The following SLC25A25 variants were observed in gnomAD, a reference collection of about 807,000 sequenced individuals.
The protein encoded by SLC25A25 is mitochondrial adenyl nucleotide antiporter SLC25A25.
SLC25A25 carries 32 observed loss-of-function variants against 57.7 expected under a neutral mutation model. The ratio of observed to expected loss-of-function variants is 0.55; its 90% CI spans 0.42 to 0.74. The LOEUF (loss-of-function observed/expected upper bound fraction) is 0.74, where lower values mean the gene tolerates loss of function less well. Ranked by LOEUF, SLC25A25 falls within the 30% of genes least tolerant of loss-of-function variation. The probability of loss-of-function intolerance (pLI) is 0.00; values close to 1 mark genes in which losing one functional copy is unlikely to be tolerated. For synonymous variants in SLC25A25, 306 were observed against 291.2 expected, an observed-to-expected ratio of 1.05 and a Z score of -0.52; for missense variants, 556 against 701.3, an observed-to-expected ratio of 0.79 and a Z score of 2.34.
intron 1 of SLC25A25, chr9:128,091,389 G>A (rs1588766624): frequency 1.3e-5 from 13 of 969,318 alleles, no homozygotes; most frequent in Non-Finnish European, 1.5e-5. Context: ...TGGTAGTGTC[G>A]GCAGAGGTGA....
Position 128,099,015 on chromosome 9 carries a change from A to G in SLC25A25, c.262-2081A>G, listed in dbSNP as rs1177483825. On this transcript the variant is annotated intron_variant, in intron 1 of 10. Coordinates refer to ENST00000373069, the MANE Select transcript of SLC25A25 (RefSeq NM_001330988.2). This position sits in a 1 kb window ranked among gnomAD's most constrained non-coding sequence, Gnocchi z 6.8. The stretch of plus-strand genomic sequence containing the variant: ...TGAGGGGGGTGTTCCTGAGAAGTAC[A>G]GAGCCAGAAAGGGACCTGGGGGGCA... 2 of 985,330 alleles carry G rather than the reference A, an allele frequency of 2.0e-6. No homozygotes were observed. The highest frequency in any genetic ancestry group is 2.4e-6 in the Non-Finnish European group (2 of 829,942). 61.0% of individuals were successfully genotyped at this position (985,330 alleles called of 1,614,324 possible). A position where few individuals can be genotyped will look rare whatever the true frequency, so the allele number is the denominator to read the frequency against.
intron 1 of SLC25A25, among the ~76,000 whole-genome samples, chr9:128,093,478 TC>T (rs903059378): frequency 1.3e-5 from 2 of 152,160 alleles, no homozygotes; most frequent in African/African-American, 2.4e-5. Flanking sequence ...TTGCCAGCTC[TC>T]CCCCCAGGGA....
At chr9:128,087,311 C>CA (rs1833300037) in intron 1 of SLC25A25, among the ~76,000 whole-genome samples, 1 of 152,034 alleles carries the variant, frequency 6.6e-6, no homozygotes, top group Non-Finnish European at 1.5e-5. Flanking sequence ...GTCTGGAGTG[C>CA]GGTGCAGTGA....
At chr9:128,105,460 C>T (rs145334243) in intron 6 of SLC25A25, among the ~76,000 whole-genome samples, 4,918 of 150,598 alleles carry the variant, frequency 0.033, 269 homozygotes, top group African/African-American at 0.11. Flanking sequence ...CATGAGCCAC[C>T]GCGCCCAGCC....
chr9:128,107,014 C>T lies in SLC25A25; in HGVS notation c.1213-15C>T, dbSNP rs773271150. ...CCCTTCCTAGGGCTTATCCCATGCT[C>T]CCTTCTCCTTCTAGACGCTCAAGAA... On this transcript the variant is annotated splice_polypyrimidine_tract_variant and intron_variant, in intron 9 of 10. Coordinates refer to ENST00000373069, the MANE Select transcript of SLC25A25 (RefSeq NM_001330988.2). 1.2e-6 allele frequency: 2 copies of T among 1,612,026 alleles called. No individual in the cohort carries two copies. Among genetic ancestry groups the T allele is most frequent in the Admixed American group, 1.7e-5 (1 of 59,936 alleles).
chr9:128,101,495 T>C lies in SLC25A25; in HGVS notation c.476+99T>C. The C allele has an allele frequency of 7.2e-7, 1 of 1,393,812 alleles. No individual in the cohort carries two copies. The highest frequency in any genetic ancestry group is 9.9e-7 in the Non-Finnish European group (1 of 1,009,188). The allele number at this position is 1,393,812 out of a possible 1,614,324, so 86.3% of individuals were successfully genotyped here. A position where few individuals can be genotyped will look rare whatever the true frequency, so the allele number is the denominator to read the frequency against. On this transcript the variant is annotated intron_variant, in intron 3 of 10. Coordinates refer to ENST00000373069, the MANE Select transcript of SLC25A25 (RefSeq NM_001330988.2). The surrounding 1 kb of genome is among the most constrained non-coding windows in gnomAD (Gnocchi z 4.9). ...CCATTCCCTGGGCTGACCCTGAACT[T>C]GGCCTTCTCGTGGTTTGAAAGGATG...
chr9:128,100,346 G>T (rs527353594), intron 1 of SLC25A25, among the ~76,000 whole-genome samples: 2 of 150,998 alleles, frequency 1.3e-5, no homozygotes, highest in Non-Finnish European at 3.0e-5. Context: ...AGGCGGGGGC[G>T]GGGGGGGTTA....
intron 6 of SLC25A25, among the ~76,000 whole-genome samples, chr9:128,105,128 G>T (rs1833965554): frequency 6.9e-6 from 1 of 145,862 alleles, no homozygotes; most frequent in Non-Finnish European, 1.5e-5. Flanking sequence ...CAAAGTGCTG[G>T]GATTACAGAT....
In SLC25A25 at chr9:128,107,115, C is replaced by T; in HGVS notation, c.1299C>T (p.Ser433=). 6.2e-7 allele frequency: 1 copy of T among 1,614,098 alleles called. No homozygotes were observed. The part of the protein sequence containing the change: ...VFVLLACGTM[S]STCGQLASYP... ...TGCTCCTGGCCTGTGGCACCATGTC[C>T]AGTACCTGTGGCCAGCTGGCCAGCT... Residue 433 remains serine, a synonymous_variant, in exon 10 of 11, where the codon TCC becomes TCT. Coordinates refer to ENST00000373069, the MANE Select transcript of SLC25A25 (RefSeq NM_001330988.2).
At chr9:128,100,800 CCT>C (rs1011985217) in intron 1 of SLC25A25, 6 of 377,638 alleles carry the variant, frequency 1.6e-5, no homozygotes, top group Non-Finnish European at 2.4e-5. Context: ...CCCAGCTGTC[CCT>C]GTCGGCCTCT....
chr9:128,101,456 C>A lies in SLC25A25; in HGVS notation c.476+60C>A. The stretch of plus-strand genomic sequence containing the variant: ...GTGTGATGAAGGGAAGGCTCTGAGA[C>A]TAACCCTCCGATGCCATTCCCTGGG... On this transcript the variant is annotated intron_variant, in intron 3 of 10. Transcript: ENST00000373069. This position sits in a 1 kb window ranked among gnomAD's most constrained non-coding sequence, Gnocchi z 4.9. 6.4e-7 allele frequency: 1 copy of A among 1,570,694 alleles called. No individual in the cohort carries two copies. The highest frequency in any genetic ancestry group is 8.7e-7 in the Non-Finnish European group (1 of 1,146,170).
intron 1 of SLC25A25, among the ~76,000 whole-genome samples, chr9:128,080,958 A>T (rs576233972): frequency 6.6e-6 from 1 of 152,250 alleles, no homozygotes; most frequent in East Asian, 1.9e-4. Flanking sequence ...CCCCTTAGTG[A>T]TGCATTTATG....
At chr9:128,074,529 T>G (rs1419420457) in intron 1 of SLC25A25, among the ~76,000 whole-genome samples, 1 of 150,912 alleles carries the variant, frequency 6.6e-6, no homozygotes, top group African/African-American at 2.4e-5. Context: ...GCCAACATGG[T>G]GAAACCCCAT....
intron 1 of SLC25A25, chr9:128,091,139 C>T (rs1184999269): frequency 6.6e-6 from 1 of 152,236 alleles, no homozygotes; most frequent in Admixed American, 6.5e-5. Context: ...TTCTAGAATG[C>T]TCTTAGGACA....
intron 1 of SLC25A25, among the ~76,000 whole-genome samples, chr9:128,090,597 G>T (rs1435168634): frequency 6.6e-6 from 1 of 151,872 alleles, no homozygotes; most frequent in Non-Finnish European, 1.5e-5. Flanking sequence ...GATCACTTGA[G>T]GTCAGGAGTT....
intron 1 of SLC25A25, 110 bp from the exon 2 acceptor site, chr9:128,100,986 C>A: frequency 6.8e-7 from 1 of 1,468,278 alleles, no homozygotes; most frequent in Admixed American, 2.0e-5. Context: ...GTCCTTGGGG[C>A]CAGCTCTGCT....
chr9:128,091,611 A>T, intron 1 of SLC25A25: 2 of 1,126,728 alleles, frequency 1.8e-6, no homozygotes, highest in Non-Finnish European at 1.1e-6. Flanking sequence ...GTGAGTTTTT[A>T]TTGAAGAAGC....
rs1425317861 is a variant in SLC25A25, at chr9:128,103,785, G to A, written c.729G>A (p.Gly243=). The change falls in exon 6 of 11, where the codon GGG becomes GGA. Residue 243 remains glycine, a synonymous_variant. Coordinates refer to ENST00000373069, the MANE Select transcript of SLC25A25 (RefSeq NM_001330988.2). The surrounding 1 kb of genome is among the most constrained non-coding windows in gnomAD (Gnocchi z 6.7). ...WRHLVAGGGA[G]AVSRTCTAPL... ...ACCTGGTGGCAGGAGGTGGGGCAGGGGCCGTATCCAGAACCTGCACGGCCC... is the reference window on the plus strand; with the variant it reads ...ACCTGGTGGCAGGAGGTGGGGCAGGAGCCGTATCCAGAACCTGCACGGCCC... 8.1e-6 allele frequency: 13 copies of A among 1,613,622 alleles called. No individual in the cohort carries two copies. Among genetic ancestry groups the A allele is most frequent in the Non-Finnish European group, 1.0e-5 (12 of 1,179,798 alleles).
intron 1 of SLC25A25, among the ~76,000 whole-genome samples, chr9:128,070,864 C>T (rs184025738): frequency 6.5e-4 from 97 of 148,442 alleles, no homozygotes; most frequent in African/African-American, 2.2e-3. Context: ...GCAGGAGAAT[C>T]GCTTGAACCC....
Sources: gnomAD v4.1 joint callset for allele counts (sites outside exome capture counted in the v4.1 genomes callset) on GRCh38, gnomAD v4.1.1 for gene constraint, Gnocchi (gnomAD v3.1) non-coding constraint, MANE v1.5 for transcripts, NCBI Gene and HGNC (gene_info 2026-07-23, HGNC 2026-07-21) for gene names.